EEFSEC: variants seen among roughly 807,000 people sequenced by gnomAD.
EEFSEC encodes the protein eukaryotic elongation factor, selenocysteine-tRNA specific, also known as selenocysteine-specific elongation factor.
A neutral mutation model predicts 42.1 loss-of-function variants in EEFSEC; 43 were observed. The observed-to-expected ratio is 1.02, with a 90% CI of 0.80 to 1.32. The LOEUF (loss-of-function observed/expected upper bound fraction) is 1.32. Among genes scored for constraint, EEFSEC ranks in the 40% most tolerant of loss-of-function variants. The pLI is 0.00. For missense variants in EEFSEC, 745 were observed against 803.6 expected, an observed-to-expected ratio of 0.93 and a Z score of 0.88; for synonymous variants, 354 against 339.1, an observed-to-expected ratio of 1.04 and a Z score of -0.48.
At chr3:128,305,824 G>A (rs1472619692) in intron 4 of EEFSEC, among the ~76,000 whole-genome samples, 1 of 151,518 alleles carries the variant, frequency 6.6e-6, no homozygotes, top group African/African-American at 2.4e-5. Flanking sequence ...TCTTTCATTG[G>A]GTAATTTGTC....
intron 1 of EEFSEC, among the ~76,000 whole-genome samples, chr3:128,164,146 G>T (rs1176707656): frequency 6.6e-6 from 1 of 152,056 alleles, no homozygotes; most frequent in Non-Finnish European, 1.5e-5. Flanking sequence ...TTGTGTGGTG[G>T]GAAAGGACCA....
chr3:128,340,420 T>C (rs113479940), intron 4 of EEFSEC, among the ~76,000 whole-genome samples: 3 of 150,806 alleles, frequency 2.0e-5, no homozygotes, highest in African/African-American at 7.3e-5. Flanking sequence ...ATATATTAAT[T>C]TTATATTGAT....
At chr3:128,304,077 G>GT (rs554576554) in intron 4 of EEFSEC, among the ~76,000 whole-genome samples, 4,188 of 139,222 alleles carry the variant, frequency 0.03, 191 homozygotes, top group African/African-American at 0.097. Flanking sequence ...TTCATAATAG[G>GT]TTTTTTTTTT....
intron 6 of EEFSEC, among the ~76,000 whole-genome samples, chr3:128,361,433 T>C (rs1353530511): frequency 6.6e-6 from 1 of 152,232 alleles, no homozygotes; most frequent in Admixed American, 6.5e-5. Flanking sequence ...CAACTGTCTG[T>C]GCTAAACAAA....
At chr3:128,224,114 A>G (rs796590454) in intron 1 of EEFSEC, among the ~76,000 whole-genome samples, 1 of 152,152 alleles carries the variant, frequency 6.6e-6, no homozygotes, top group Non-Finnish European at 1.5e-5. Context: ...AAATGGTTCT[A>G]CAAAGGGTTA....
chr3:128,222,513 G>A (rs1241724450), intron 1 of EEFSEC, among the ~76,000 whole-genome samples: 1 of 152,144 alleles, frequency 6.6e-6, no homozygotes, highest in Non-Finnish European at 1.5e-5. Context: ...TTTAAGCAAA[G>A]TTTTGAACCA....
chr3:128,205,483 C>T (rs1199211707), intron 1 of EEFSEC, among the ~76,000 whole-genome samples: 1 of 152,210 alleles, frequency 6.6e-6, no homozygotes, highest in Non-Finnish European at 1.5e-5. Flanking sequence ...GGTGTGTTCC[C>T]TCCCACAATT....
At position 128,389,579 on chromosome 3, in the gene EEFSEC, G is replaced by A. The variant is rs549696521; in HGVS notation, c.1601-18490G>A. On this transcript the variant is annotated intron_variant, in intron 6 of 6. Coordinates refer to ENST00000254730, the MANE Select transcript of EEFSEC (RefSeq NM_021937.5). ...AACCCCTGACCATCCTTGAGCCCACGCTGCTGGGTGAGGCTGGCCGCCTTG... is the reference window on the plus strand; with the variant it reads ...AACCCCTGACCATCCTTGAGCCCACACTGCTGGGTGAGGCTGGCCGCCTTG... 1.0e-3 allele frequency among the ~76,000 whole-genome samples: 154 copies of A among 152,384 alleles called. 2 individuals are homozygous for A. The highest frequency in any genetic ancestry group is 3.4e-3 in the African/African-American group (141 of 41,594).
At chr3:128,424,096 G>T in the EEFSEC span, among the ~76,000 whole-genome samples, 11 of 152,148 alleles carry the variant, frequency 7.2e-5, no homozygotes, top group African/African-American at 2.7e-4. Flanking sequence ...CTTCCTGGGG[G>T]ATGAAATGCA....
rs373197108 is a variant in EEFSEC at position 128,404,525 on chromosome 3, C to T, written c.1601-3544C>T. 1.6e-4 allele frequency among the ~76,000 whole-genome samples: 25 copies of T among 152,362 alleles called. No individual in the cohort carries two copies. The East Asian group carries it at 3.3e-3, about 20-fold the overall frequency. On this transcript the variant is annotated intron_variant, in intron 6 of 6. Coordinates refer to ENST00000254730, the MANE Select transcript of EEFSEC (RefSeq NM_021937.5). ...CAGACCTCCTGGCACCAGAGGGAGACGGGCTGCCCATGCCATTTGTCGGGG... is the reference window on the plus strand; with the variant it reads ...CAGACCTCCTGGCACCAGAGGGAGATGGGCTGCCCATGCCATTTGTCGGGG...
chr3:128,179,605 G>A (rs1221507573), intron 1 of EEFSEC, among the ~76,000 whole-genome samples: 1 of 152,236 alleles, frequency 6.6e-6, no homozygotes, highest in Non-Finnish European at 1.5e-5. Flanking sequence ...TCCGAAGGCT[G>A]CTCAGACTTT....
At chr3:128,365,568 G>A (rs905700836) in intron 6 of EEFSEC, among the ~76,000 whole-genome samples, 41 of 151,848 alleles carry the variant, frequency 2.7e-4, no homozygotes, top group African/African-American at 9.7e-4. Context: ...ATTGTGTGCT[G>A]TGTGCACCCA....
intron 1 of EEFSEC, among the ~76,000 whole-genome samples, chr3:128,233,651 GTCCCTACC>G (rs2065980580): frequency 6.6e-6 from 1 of 152,170 alleles, no homozygotes; most frequent in Admixed American, 6.5e-5. Flanking sequence ...CATTAGATAG[GTCCCTACC>G]TCTGACCTTG....
At chr3:128,424,664 A>C in the EEFSEC span, among the ~76,000 whole-genome samples, 1 of 152,074 alleles carries the variant, frequency 6.6e-6, no homozygotes, top group Non-Finnish European at 1.5e-5. Flanking sequence ...GGATTACAGG[A>C]ATGAGTCACG....
chr3:128,378,345 G>T lies in EEFSEC; in HGVS notation c.1600+19972G>T, dbSNP rs568412319. 2.6e-5 allele frequency among the ~76,000 whole-genome samples: 4 copies of T among 152,304 alleles called. No homozygotes were observed. The South Asian group carries it at 8.3e-4, about 32-fold the overall frequency. The stretch of plus-strand genomic sequence containing the variant: ...CCTCCATCTGAGGCCCTTCAGGAGG[G>T]AGCCACCACCCAGAAGAGTAGGGGA... On this transcript the variant is annotated intron_variant, in intron 6 of 6. Transcript: ENST00000254730.
intron 4 of EEFSEC, among the ~76,000 whole-genome samples, chr3:128,287,636 A>G (rs771778455): frequency 5.3e-5 from 8 of 152,262 alleles, no homozygotes; most frequent in Non-Finnish European, 1.0e-4. Flanking sequence ...GCTCTTTGGG[A>G]AAGCCCATAG....
At chr3:128,371,752 C>T (rs56935776) in intron 6 of EEFSEC, among the ~76,000 whole-genome samples, 10,772 of 152,274 alleles carry the variant, frequency 0.071, 786 homozygotes, top group African/African-American at 0.19. Context: ...CTCTGGCCAG[C>T]AAGGAGGGCC....
chr3:128,319,585 G>T (rs1333458650), intron 4 of EEFSEC, among the ~76,000 whole-genome samples: 4 of 152,184 alleles, frequency 2.6e-5, no homozygotes, highest in African/African-American at 9.7e-5. Context: ...ATCTCAAGTG[G>T]ATTGCCCATC....
intron 4 of EEFSEC, among the ~76,000 whole-genome samples, chr3:128,276,948 A>T (rs1165734285): frequency 6.6e-6 from 1 of 152,228 alleles, no homozygotes; most frequent in East Asian, 1.9e-4. Flanking sequence ...GCAGGGCTGG[A>T]GGCCAGGGCA....
Sources: allele counts gnomAD v4.1 joint callset (sites outside exome capture counted in the v4.1 genomes callset), GRCh38; gene constraint gnomAD v4.1.1; transcripts MANE v1.5; gene names NCBI Gene and HGNC (gene_info 2026-07-23, HGNC 2026-07-21).